The following NUFIP2 variants were observed in gnomAD, a reference collection of about 807,000 sequenced individuals.
The protein encoded by NUFIP2 is FMR1-interacting protein NUFIP2.
A neutral mutation model predicts 56.9 loss-of-function variants in NUFIP2; 6 were observed. That is an observed-to-expected ratio of 0.11 (90% confidence interval 0.06 to 0.21). The LOEUF (loss-of-function observed/expected upper bound fraction) is 0.21. NUFIP2 is among the 10% of genes least tolerant of loss of function. NUFIP2 has a pLI of 1.00. For synonymous variants in NUFIP2, 321 were observed against 298.2 expected (o/e 1.08, Z -0.79); for missense variants, 828 against 826.8 (o/e 1.00, Z -0.02).
intron 1 of NUFIP2, 94 bp downstream of exon 1, chr17:29,293,689 C>G: frequency 2.2e-6 from 3 of 1,346,150 alleles, no homozygotes; most frequent in Non-Finnish European, 3.0e-6. Flanking sequence ...ACACACACCC[C>G]GACCCCGTCC....
At chr17:29,272,306 T>A (rs1277118239) in intron 2 of NUFIP2, among the ~76,000 whole-genome samples, 1 of 150,566 alleles carries the variant, frequency 6.6e-6, no homozygotes, top group African/African-American at 2.4e-5. Flanking sequence ...AGTGGCGCTA[T>A]CTCGGCTCAC....
At chr17:29,281,249 G>C (rs2069137724) in intron 2 of NUFIP2, among the ~76,000 whole-genome samples, 1 of 152,054 alleles carries the variant, frequency 6.6e-6, no homozygotes. Flanking sequence ...TTGAACCTGA[G>C]AGGCGGAGGT....
Position 29,255,865 on chromosome 17 carries a change from A to G in NUFIP2, c.*8674T>C, listed in dbSNP as rs1300145882. 6.6e-6 allele frequency: 1 copy of G among 152,242 alleles called. No individual in the cohort carries two copies. Among genetic ancestry groups the G allele is most frequent in the Non-Finnish European group, 1.5e-5 (1 of 68,042 alleles). 9.4% of individuals were successfully genotyped at this position (152,242 alleles called of 1,614,324 possible). On this transcript the variant is annotated 3_prime_UTR_variant, in exon 4 of 4. Coordinates refer to ENST00000225388, the MANE Select transcript of NUFIP2 (RefSeq NM_020772.3). Reference sequence around the variant, plus strand: ...AAACTTTAAAATTTTTTATTCAACAATGTACACTTATTGTCTCTCAATTTG... The same window carrying G: ...AAACTTTAAAATTTTTTATTCAACAGTGTACACTTATTGTCTCTCAATTTG...
At chr17:29,267,713 T>A (rs1427561481) in intron 2 of NUFIP2, among the ~76,000 whole-genome samples, 183 bp from the exon 3 acceptor site, 1 of 152,110 alleles carries the variant, frequency 6.6e-6, no homozygotes, top group African/African-American at 2.4e-5. Flanking sequence ...TTCTTTTTTT[T>A]AAGAGACAGG....
chr17:29,292,887 G>C (rs1369668663), intron 1 of NUFIP2, among the ~76,000 whole-genome samples: 15 of 145,992 alleles, frequency 1.0e-4, no homozygotes, highest in South Asian at 2.1e-4. Flanking sequence ...GCGACGGGGG[G>C]GGGGGCGGCC....
rs867640962 is a variant in NUFIP2, at chr17:29,284,701, C to A, written c.2002+1291G>T. Among the ~76,000 whole-genome samples, 271 of 69,902 alleles carry A rather than the reference C, an allele frequency of 3.9e-3. 1 individual carries two copies. Among genetic ancestry groups the A allele is most frequent in the African/African-American group, 0.016 (249 of 15,704 alleles). 45.9% of individuals were successfully genotyped at this position (69,902 alleles called of 152,430 possible). A position where few individuals can be genotyped will look rare whatever the true frequency, so the allele number is the denominator to read the frequency against. Reference sequence around the variant, plus strand: ...AGCCTGGGTGACAAGAGTAAGACTCCATCTCAAAAAAAAAAAAAAAAAAAA... The same window carrying A: ...AGCCTGGGTGACAAGAGTAAGACTCAATCTCAAAAAAAAAAAAAAAAAAAA... On this transcript the variant is annotated intron_variant, in intron 2 of 3. Coordinates refer to ENST00000225388, the MANE Select transcript of NUFIP2 (RefSeq NM_020772.3).
intron 1 of NUFIP2, among the ~76,000 whole-genome samples, chr17:29,291,272 T>A (rs1313609743): frequency 6.6e-6 from 1 of 152,214 alleles, no homozygotes; most frequent in Non-Finnish European, 1.5e-5. Flanking sequence ...ACTTGAGTCC[T>A]GATACATCTA....
Position 29,257,924 on chromosome 17 carries a change from A to G in NUFIP2, c.*6615T>C, listed in dbSNP as rs2068979932. 6.6e-6 allele frequency: 1 copy of G among 152,220 alleles called. No individual in the cohort carries two copies. The highest frequency in any genetic ancestry group is 1.5e-5 in the Non-Finnish European group (1 of 68,026). The allele number at this position is 152,220 out of a possible 1,614,324, so 9.4% of individuals were successfully genotyped here. ...AAAGTAAATCACTTCCCCAGCTTAT[A>G]AAATAGTTCCAGTTTCGCAAGATCT... On this transcript the variant is annotated 3_prime_UTR_variant, in exon 4 of 4. Coordinates refer to ENST00000225388, the MANE Select transcript of NUFIP2 (RefSeq NM_020772.3).
chr17:29,274,399 A>C (rs1415951418), intron 2 of NUFIP2, among the ~76,000 whole-genome samples: 1 of 152,196 alleles, frequency 6.6e-6, no homozygotes, highest in African/African-American at 2.4e-5. Context: ...CTCGAGTCCA[A>C]GAATTCAAGG....
At chr17:29,280,750 C>T (rs1251551921) in intron 2 of NUFIP2, among the ~76,000 whole-genome samples, 3 of 152,060 alleles carry the variant, frequency 2.0e-5, no homozygotes, top group Non-Finnish European at 2.9e-5. Flanking sequence ...CTTTCGGAGG[C>T]GGAGGTGGGC....
intron 1 of NUFIP2, 96 bp downstream of exon 1, chr17:29,293,683 ACACC>A: frequency 7.7e-7 from 1 of 1,303,250 alleles, no homozygotes; most frequent in African/African-American, 1.5e-5. Context: ...ACACACACAC[ACACC>A]CCGACCCCGT....
chr17:29,291,080 A>C (rs1050104347), intron 1 of NUFIP2, among the ~76,000 whole-genome samples: 2 of 151,892 alleles, frequency 1.3e-5, no homozygotes, highest in Non-Finnish European at 2.9e-5. Flanking sequence ...TTAACTACAT[A>C]AAGTTTTTCT....
intron 2 of NUFIP2, among the ~76,000 whole-genome samples, chr17:29,284,754 C>T (rs1598434792): frequency 6.7e-6 from 1 of 148,604 alleles, no homozygotes; most frequent in Non-Finnish European, 1.5e-5. Context: ...AAGTTATTAG[C>T]GTGAAACTTG....
At chr17:29,272,521 T>A (rs1046884114) in intron 2 of NUFIP2, among the ~76,000 whole-genome samples, 4 of 152,112 alleles carry the variant, frequency 2.6e-5, no homozygotes, top group African/African-American at 9.7e-5. Context: ...ATTACAGGCG[T>A]GAGCCGCTGC....
At position 29,261,142 on chromosome 17, in the gene NUFIP2, C is replaced by T. The variant is rs1251220090; in HGVS notation, c.*3397G>A. 6.6e-6 allele frequency: 1 copy of T among 151,964 alleles called. No homozygotes were observed. The highest frequency in any genetic ancestry group is 2.4e-5 in the African/African-American group (1 of 41,370). 9.4% of individuals were successfully genotyped at this position (151,964 alleles called of 1,614,324 possible). On this transcript the variant is annotated 3_prime_UTR_variant, in exon 4 of 4. Transcript: ENST00000225388. ...GAGTGGTATGTGACACAGAAGCCTA[C>T]AATAATCAAAACAGATTTAAAAAGA...
At position 29,264,345 on chromosome 17, in the gene NUFIP2, T is replaced by C. The variant is rs999568376; in HGVS notation, c.*194A>G. ...AATAAATTTGATTCCTTAAGAAGTC[T>C]AATTACTTTCAGTTGCCTTTTTTAA... is the stretch of plus-strand genomic sequence containing the variant. On this transcript the variant is annotated 3_prime_UTR_variant, in exon 4 of 4. Coordinates refer to ENST00000225388, the MANE Select transcript of NUFIP2 (RefSeq NM_020772.3). 5.0e-6 allele frequency: 1 copy of C among 198,096 alleles called. No individual in the cohort carries two copies. The highest frequency in any genetic ancestry group is 1.0e-5 in the Non-Finnish European group (1 of 99,956). 12.3% of individuals were successfully genotyped at this position (198,096 alleles called of 1,614,324 possible).
Position 29,286,560 on chromosome 17 carries a change from C to T in NUFIP2, c.1434G>A (p.Met478Ile), listed in dbSNP as rs772834427. Residue 478 changes from methionine to isoleucine, a missense_variant, in exon 2 of 4, where the codon ATG becomes ATA. This residue lies in a region of NUFIP2 where 404 missense variants were observed against 380.3 expected (regional missense o/e 1.06). Transcript: ENST00000225388. ...KTSLFIYPSN[M>I]QTMLLSTAQV... ...GTGCTGTGCTCAACAGCATAGTTTG[C>T]ATATTTGAAGGATAGATAAAAAGGC... 15 of 1,614,008 alleles carry T rather than the reference C, an allele frequency of 9.3e-6. No homozygotes were observed. Among genetic ancestry groups the T allele is most frequent in the Admixed American group, 1.7e-5 (1 of 59,990 alleles).
chr17:29,273,035 C>T (rs117295621), intron 2 of NUFIP2, among the ~76,000 whole-genome samples: 33 of 74,714 alleles, frequency 4.4e-4, no homozygotes, highest in East Asian at 9.5e-4. Flanking sequence ...TATATATATA[C>T]ACACACACAC....
chr17:29,287,068 C>T lies in NUFIP2; in HGVS notation c.926G>A (p.Gly309Asp), dbSNP rs1567681702. Residue 309 changes from glycine to aspartate, a missense_variant, in exon 2 of 4, where the codon GGT (glycine) becomes GAT (aspartate). Physicochemically the swap from Gly to Asp is moderately conservative, Grantham distance 94. Coordinates refer to ENST00000225388, the MANE Select transcript of NUFIP2 (RefSeq NM_020772.3). Reference sequence around the variant, plus strand: ...ATCATCAAACTTTTTGCTGCTCACACCAGGTTTACTATCTGAGCTTTTCCG... The same window carrying T: ...ATCATCAAACTTTTTGCTGCTCACATCAGGTTTACTATCTGAGCTTTTCCG... The part of the protein sequence containing the change: ...MLRKSSDSKP[G>D]VSSKKFDDRP... The T allele has an allele frequency of 1.9e-6, 3 of 1,614,182 alleles. No homozygotes were observed. In the East Asian group the frequency reaches 6.7e-5, roughly 36 times the overall value.
Sources: allele counts gnomAD v4.1 joint callset (sites outside exome capture counted in the v4.1 genomes callset), GRCh38; gene constraint gnomAD v4.1.1; regional missense constraint gnomAD v4.1.1; transcripts MANE v1.5; gene names NCBI Gene and HGNC (gene_info 2026-07-23, HGNC 2026-07-21).